The following SLC13A3 variants were observed in gnomAD, a reference collection of about 807,000 sequenced individuals.
SLC13A3 encodes solute carrier family 13 member 3, also known as Na(+)/dicarboxylate cotransporter 3.
Under a neutral mutation model 59.0 loss-of-function variants are expected in SLC13A3, and 40 were observed. That is an observed-to-expected ratio of 0.68 (90% CI 0.53 to 0.88). The LOEUF is 0.88. Among genes scored for constraint, SLC13A3 ranks in the 40% least tolerant of loss-of-function variants. SLC13A3 has a pLI of 0.00. For missense variants in SLC13A3, 699 were observed against 783.2 expected (o/e 0.89, Z 1.28); for synonymous variants, 317 against 330.3 (o/e 0.96, Z 0.44).
At chr20:46,648,992 T>C (rs2062926801) in intron 1 of SLC13A3, among the ~76,000 whole-genome samples, 1 of 152,050 alleles carries the variant, frequency 6.6e-6, no homozygotes, top group African/African-American at 2.4e-5. Flanking sequence ...CTCTGCATTC[T>C]GGCTTTGCAG....
At chr20:46,600,925 C>T (rs1385415304) in intron 3 of SLC13A3, among the ~76,000 whole-genome samples, 4 of 152,174 alleles carry the variant, frequency 2.6e-5, no homozygotes, top group South Asian at 4.1e-4. Context: ...AGAGAAGACA[C>T]TGTGTGCTGA....
At chr20:46,607,830 G>T (rs116648818) in intron 3 of SLC13A3, among the ~76,000 whole-genome samples, 38 of 152,276 alleles carry the variant, frequency 2.5e-4, no homozygotes, top group Non-Finnish European at 5.1e-4. Flanking sequence ...CTGCGTAACG[G>T]GGGGTGGGAG....
At chr20:46,567,516 C>T (rs1028064972) in intron 10 of SLC13A3, among the ~76,000 whole-genome samples, 2 of 152,100 alleles carry the variant, frequency 1.3e-5, no homozygotes, top group African/African-American at 4.8e-5. Flanking sequence ...CAAAGCTCCC[C>T]GCAAATCAGC....
At chr20:46,580,272 T>G (rs1364253868) in intron 9 of SLC13A3, among the ~76,000 whole-genome samples, 1 of 152,000 alleles carries the variant, frequency 6.6e-6, no homozygotes, top group African/African-American at 2.4e-5. Context: ...CACTTCTTAC[T>G]GATCTCAGCT....
intron 9 of SLC13A3, among the ~76,000 whole-genome samples, chr20:46,579,814 G>GA (rs2062117118): frequency 6.6e-6 from 1 of 152,182 alleles, no homozygotes; most frequent in Non-Finnish European, 1.5e-5. Context: ...GGCTTCTTTT[G>GA]AAAAATCAGC....
chr20:46,638,491 C>G (rs2062816188), intron 1 of SLC13A3, among the ~76,000 whole-genome samples: 1 of 152,216 alleles, frequency 6.6e-6, no homozygotes, highest in African/African-American at 2.4e-5. Context: ...GGCGGCTGTC[C>G]TGACTGCTGC....
chr20:46,661,676 G>A (rs998445551), intron 1 of SLC13A3, among the ~76,000 whole-genome samples: 1 of 152,112 alleles, frequency 6.6e-6, no homozygotes, highest in African/African-American at 2.4e-5. Flanking sequence ...TGTTCATCTG[G>A]CCTTTGGAGG....
At chr20:46,674,599 G>GCC (rs1256983413), upstream of SLC13A3, among the ~76,000 whole-genome samples, 70 of 99,466 alleles carry the variant, frequency 7.0e-4, no homozygotes, top group African/African-American at 2.2e-3. Context: ...GCGCGCGCGC[G>GCC]CGCGCGTGTG....
chr20:46,571,151 A>G (rs2146089988), intron 10 of SLC13A3, among the ~76,000 whole-genome samples: 1 of 152,322 alleles, frequency 6.6e-6, no homozygotes, highest in Admixed American at 6.5e-5. Context: ...CAAGAACAGC[A>G]TAAGGGTAAC....
chr20:46,580,795 G>C (rs1373846264), intron 9 of SLC13A3, among the ~76,000 whole-genome samples: 1 of 152,114 alleles, frequency 6.6e-6, no homozygotes. Flanking sequence ...AGCTAAAACA[G>C]GTCCTGGGCG....
At chr20:46,567,957 A>G (rs1325161341) in intron 10 of SLC13A3, among the ~76,000 whole-genome samples, 1 of 152,214 alleles carries the variant, frequency 6.6e-6, no homozygotes, top group Non-Finnish European at 1.5e-5. Flanking sequence ...GGGTTAGTCC[A>G]TTAACATTCA....
intron 1 of SLC13A3, among the ~76,000 whole-genome samples, chr20:46,660,186 C>T (rs986322172): frequency 2.6e-5 from 4 of 152,160 alleles, no homozygotes; most frequent in African/African-American, 9.7e-5. Flanking sequence ...AATATTTACC[C>T]TATCTCTTCA....
intron 1 of SLC13A3, chr20:46,614,002 T>G: frequency 2.8e-6 from 1 of 360,048 alleles, no homozygotes; most frequent in East Asian, 4.3e-5. Context: ...TAGGACTGTT[T>G]GAGAATGAAA....
chr20:46,651,336 G>C lies in SLC13A3; in HGVS notation c.86C>G (p.Pro29Arg). 1 of 1,514,972 alleles carries C rather than the reference G, an allele frequency of 6.6e-7. No individual in the cohort carries two copies. The highest frequency in any genetic ancestry group is 8.8e-7 in the Non-Finnish European group (1 of 1,133,490). 93.8% of individuals were successfully genotyped at this position (1,514,972 alleles called of 1,614,324 possible). Residue 29 changes from proline (P) to arginine (R), a missense_variant, in exon 1 of 13, where the codon CCG (proline) becomes CGG (arginine). Coordinates refer to ENST00000279027, the MANE Select transcript of SLC13A3 (RefSeq NM_022829.6). ...VLLFTPLALLPVVFALPPKEG... is the reference protein window; with the variant it reads ...VLLFTPLALLRVVFALPPKEG... ...CTTGGGCGGGAGGGCGAAGACCACCGGCAGCAGCGCGAGCGGCGTGAACAG... is the reference window on the plus strand; with the variant it reads ...CTTGGGCGGGAGGGCGAAGACCACCCGCAGCAGCGCGAGCGGCGTGAACAG...
intron 1 of SLC13A3, among the ~76,000 whole-genome samples, chr20:46,625,350 T>G (rs2062657612): frequency 6.6e-6 from 1 of 152,218 alleles, no homozygotes; most frequent in Admixed American, 6.5e-5. Context: ...AATTGGAGGA[T>G]TTTAATTACA....
chr20:46,601,548 T>C lies in SLC13A3; in HGVS notation c.542-1511A>G, dbSNP rs181105101. On this transcript the variant is annotated intron_variant, in intron 3 of 12. Coordinates refer to ENST00000279027, the MANE Select transcript of SLC13A3 (RefSeq NM_022829.6). Reference sequence around the variant, plus strand: ...ATGAAAGTCCATGTCCTCATGGAGCTGATCTTCTGGTGGGGGAGACAGACC... The same window carrying C: ...ATGAAAGTCCATGTCCTCATGGAGCCGATCTTCTGGTGGGGGAGACAGACC... Among the ~76,000 whole-genome samples the C allele has an allele frequency of 2.6e-5, 4 of 152,318 alleles. No homozygotes were observed. The East Asian group carries it at 7.7e-4, about 29-fold the overall frequency.
intron 1 of SLC13A3, among the ~76,000 whole-genome samples, chr20:46,659,716 C>G (rs536948032): frequency 1.3e-5 from 2 of 148,410 alleles, no homozygotes; most frequent in African/African-American, 2.5e-5. Flanking sequence ...ACCCTATCCC[C>G]CCCCCCCAAA....
intron 1 of SLC13A3, among the ~76,000 whole-genome samples, chr20:46,618,031 C>T (rs979768182): frequency 3.9e-5 from 6 of 152,274 alleles, no homozygotes; most frequent in African/African-American, 1.4e-4. Context: ...CATAAATTAA[C>T]TCTTGGACCC....
chr20:46,678,298 C>T (rs940594189), intron 1 of SLC13A3, among the ~76,000 whole-genome samples: 2 of 152,224 alleles, frequency 1.3e-5, no homozygotes, highest in African/African-American at 2.4e-5. Context: ...CAGTAAAAGG[C>T]AGCAAGATGC....
Sources: allele counts gnomAD v4.1 joint callset (sites outside exome capture counted in the v4.1 genomes callset), GRCh38; gene constraint gnomAD v4.1.1; transcripts MANE v1.5; gene names NCBI Gene and HGNC (gene_info 2026-07-23, HGNC 2026-07-21).